MIPEP: variants seen among roughly 807,000 people sequenced by gnomAD.
The protein encoded by MIPEP is mitochondrial intermediate peptidase.
Under a neutral mutation model 90.3 loss-of-function variants are expected in MIPEP, and 79 were observed. The observed-to-expected ratio is 0.87, with a 90% confidence interval of 0.73 to 1.05. The LOEUF (loss-of-function observed/expected upper bound fraction) is 1.05. MIPEP is among the 50% of genes least tolerant of loss of function. MIPEP has a pLI of 0.00. For synonymous variants in MIPEP, 334 were observed against 315.8 expected, an observed-to-expected ratio of 1.06 and a Z score of -0.61; for missense variants, 940 against 905.6, an observed-to-expected ratio of 1.04 and a Z score of -0.49.
At chr13:23,735,959 A>T (rs182763739) in intron 18 of MIPEP, among the ~76,000 whole-genome samples, 1 of 152,350 alleles carries the variant, frequency 6.6e-6, no homozygotes, top group East Asian at 1.9e-4. Context: ...GAAAAACTGG[A>T]TTTGGATTTT....
At chr13:23,768,677 G>C (rs1952617797) in intron 16 of MIPEP, among the ~76,000 whole-genome samples, 1 of 152,208 alleles carries the variant, frequency 6.6e-6, no homozygotes, top group South Asian at 2.1e-4. Flanking sequence ...AGAGGTGGCA[G>C]TGAGCTGAGA....
intron 18 of MIPEP, among the ~76,000 whole-genome samples, chr13:23,738,316 G>A (rs2138484392): frequency 6.6e-6 from 1 of 152,154 alleles, no homozygotes. Context: ...TTTTTTCTTG[G>A]TGATTTTTTT....
intron 18 of MIPEP, among the ~76,000 whole-genome samples, chr13:23,745,049 A>G (rs1286287762): frequency 1.3e-5 from 2 of 152,220 alleles, no homozygotes; most frequent in African/African-American, 2.4e-5. Context: ...TAAACAAAAC[A>G]TACATTTAGT....
intron 16 of MIPEP, among the ~76,000 whole-genome samples, chr13:23,788,213 T>C (rs1739504887): frequency 6.6e-6 from 1 of 152,274 alleles, no homozygotes; most frequent in Non-Finnish European, 1.5e-5. Context: ...TCACACTATG[T>C]ATACTTTCCT....
intron 8 of MIPEP, among the ~76,000 whole-genome samples, chr13:23,862,958 G>C (rs1187120836): frequency 1.3e-5 from 2 of 152,154 alleles, no homozygotes; most frequent in African/African-American, 4.8e-5. Flanking sequence ...TCCTCAATAA[G>C]TGCATAACTA....
At chr13:23,816,523 G>A (rs558135075) in intron 14 of MIPEP, among the ~76,000 whole-genome samples, 2 of 131,086 alleles carry the variant, frequency 1.5e-5, no homozygotes, top group South Asian at 2.5e-4. Flanking sequence ...GCATTTGACT[G>A]TAGTTTTTTT....
chr13:23,771,910 T>C (rs572887385), intron 16 of MIPEP, among the ~76,000 whole-genome samples: 2 of 152,252 alleles, frequency 1.3e-5, no homozygotes, highest in South Asian at 2.1e-4. Flanking sequence ...TAACTTTCCT[T>C]TACATTGCCT....
chr13:23,805,311 C>T (rs984922736), intron 16 of MIPEP, among the ~76,000 whole-genome samples: 2 of 152,180 alleles, frequency 1.3e-5, no homozygotes, highest in Admixed American at 6.5e-5. Context: ...TTTGAACCCC[C>T]ATACAATCAC....
intron 16 of MIPEP, among the ~76,000 whole-genome samples, chr13:23,796,284 G>A (rs190299638): frequency 6.6e-6 from 1 of 152,106 alleles, no homozygotes; most frequent in Non-Finnish European, 1.5e-5. Context: ...CAGGGCGGTG[G>A]TGCATGCCTG....
At chr13:23,881,548 G>A (rs1483686328) in intron 3 of MIPEP, 151 bp downstream of exon 3, 2 of 654,426 alleles carry the variant, frequency 3.1e-6, no homozygotes, top group East Asian at 5.5e-5. Flanking sequence ...GGCCTGTCCT[G>A]AGCCCTCCCT....
chr13:23,779,176 G>C (rs1364126506), intron 16 of MIPEP, among the ~76,000 whole-genome samples: 1 of 152,186 alleles, frequency 6.6e-6, no homozygotes, highest in Non-Finnish European at 1.5e-5. Flanking sequence ...CAGTTTGAAA[G>C]TTCAAGCCAT....
chr13:23,887,440 A>C (rs1593214072), intron 1 of MIPEP, among the ~76,000 whole-genome samples: 1 of 152,238 alleles, frequency 6.6e-6, no homozygotes, highest in African/African-American at 2.4e-5. Context: ...AAGACGTTAG[A>C]AAAAACTTGT....
chr13:23,760,041 G>A lies in MIPEP; in HGVS notation c.1970+55C>T, dbSNP rs539834367. ...TCGAGCCCGACTTCCAGATGTAATA[G>A]AGTGGGGAATTACTGTGGTCCAAGA... On this transcript the variant is annotated intron_variant, in intron 17 of 18. Transcript: ENST00000382172. The A allele has an allele frequency of 1.1e-5, 18 of 1,608,412 alleles. No individual in the cohort carries two copies. In the African/African-American group the frequency reaches 1.9e-4, roughly 17 times the overall value.
chr13:23,785,562 C>G (rs1406595057), intron 16 of MIPEP, among the ~76,000 whole-genome samples: 1 of 146,494 alleles, frequency 6.8e-6, no homozygotes, highest in Non-Finnish European at 1.5e-5. Context: ...CAACATGGCA[C>G]ATGTATACAT....
At chr13:23,871,547 T>C (rs1464396518) in intron 5 of MIPEP, among the ~76,000 whole-genome samples, 1 of 152,180 alleles carries the variant, frequency 6.6e-6, no homozygotes, top group African/African-American at 2.4e-5. Flanking sequence ...TGTACACAAA[T>C]CTTTCTGGGA....
intron 16 of MIPEP, among the ~76,000 whole-genome samples, chr13:23,782,730 G>C (rs1338930462): frequency 2.0e-5 from 3 of 152,150 alleles, no homozygotes; most frequent in Non-Finnish European, 4.4e-5. Context: ...AAGAAGAAAA[G>C]AGAGAAGAAT....
chr13:23,852,669 T>C (rs1304778383), intron 10 of MIPEP, among the ~76,000 whole-genome samples: 2 of 152,222 alleles, frequency 1.3e-5, no homozygotes, highest in Admixed American at 6.5e-5. Context: ...AATGACCATA[T>C]TACTGATTCA....
At chr13:23,874,679 G>C (rs999037742) in intron 5 of MIPEP, among the ~76,000 whole-genome samples, 167 bp downstream of exon 5, 8 of 151,990 alleles carry the variant, frequency 5.3e-5, no homozygotes, top group African/African-American at 1.7e-4. Context: ...TCCAGAGAGG[G>C]GACTATATTC....
chr13:23,814,799 C>T (rs1234286742), intron 14 of MIPEP, among the ~76,000 whole-genome samples: 2 of 152,146 alleles, frequency 1.3e-5, no homozygotes, highest in African/African-American at 4.8e-5. Flanking sequence ...TAACCCATTA[C>T]AGTAGAACTG....
Sources: gnomAD v4.1 joint callset for allele counts (sites outside exome capture counted in the v4.1 genomes callset) on GRCh38, gnomAD v4.1.1 for gene constraint, MANE v1.5 for transcripts, NCBI Gene and HGNC (gene_info 2026-07-23, HGNC 2026-07-21) for gene names.